The following MLLT3 variants were observed in gnomAD, a reference collection of about 807,000 sequenced individuals.
MLLT3 encodes the protein MLLT3 super elongation complex subunit.
MLLT3 carries 4 observed loss-of-function variants against 53.2 expected under a neutral mutation model. The observed-to-expected ratio is 0.08, with a 90% CI of 0.04 to 0.17. The LOEUF (loss-of-function observed/expected upper bound fraction) is 0.17. MLLT3 is among the 10% of genes least tolerant of loss of function. MLLT3 has a pLI of 1.00. For missense variants in MLLT3, 569 were observed against 684.0 expected (o/e 0.83, Z 1.87); for synonymous variants, 283 against 230.6 (o/e 1.23, Z -2.06).
At chr9:20,533,853 T>C (rs1311439267) in intron 2 of MLLT3, among the ~76,000 whole-genome samples, 2 of 152,132 alleles carry the variant, frequency 1.3e-5, no homozygotes, top group African/African-American at 4.8e-5. Flanking sequence ...GCTGAAGTCA[T>C]AGAAGCAAAG....
rs774331239 is a variant in MLLT3, at chr9:20,414,342, G to A, written c.504C>T (p.Ser168=). The A allele has an allele frequency of 1.2e-5, 19 of 1,580,652 alleles. No homozygotes were observed. Among genetic ancestry groups the A allele is most frequent in the East Asian group, 4.5e-5 (2 of 44,504 alleles). The change falls in exon 5 of 11, where the codon AGC becomes AGT. Residue 168 remains serine, a synonymous_variant. Transcript: ENST00000380338. Reference sequence around the variant, plus strand: ...TGCTGCTGCTGCTGCTGCTGCTGCTGCTACTGCTGCTGCTGCTGCTGCTGC... The same window carrying A: ...TGCTGCTGCTGCTGCTGCTGCTGCTACTACTGCTGCTGCTGCTGCTGCTGC... The part of the protein sequence containing the change: ...SSSSSSSSSS[S]SSSSSSSSSS...
chr9:20,407,825 T>G (rs964115999), intron 5 of MLLT3, among the ~76,000 whole-genome samples: 3 of 152,126 alleles, frequency 2.0e-5, no homozygotes, highest in African/African-American at 7.2e-5. Flanking sequence ...TTAAATCATG[T>G]TAAGTACATA....
chr9:20,606,815 G>A (rs898540010), intron 2 of MLLT3, among the ~76,000 whole-genome samples: 7 of 152,012 alleles, frequency 4.6e-5, no homozygotes, highest in Non-Finnish European at 7.4e-5. Context: ...AAAGCCCCAC[G>A]TTTGCTGGCC....
chr9:20,533,831 G>A (rs967720869), intron 2 of MLLT3, among the ~76,000 whole-genome samples: 2 of 152,214 alleles, frequency 1.3e-5, no homozygotes, highest in African/African-American at 4.8e-5. Context: ...TCCACAGGTA[G>A]AACCTAAAAA....
intron 2 of MLLT3, among the ~76,000 whole-genome samples, chr9:20,553,875 C>G (rs1356461985): frequency 6.6e-6 from 1 of 151,886 alleles, no homozygotes; most frequent in Admixed American, 6.6e-5. Flanking sequence ...CAATCACAAC[C>G]CTCCTGGCAA....
Position 20,378,964 on chromosome 9 carries a change from T to C in MLLT3, c.1126-13220A>G, listed in dbSNP as rs186432835. ...CTGTCCAGAATAGGAGGAATGCTGC[T>C]GCTTATAAGGCTCTAAAGGAACCTG... On this transcript the variant is annotated intron_variant, in intron 5 of 10. Coordinates refer to ENST00000380338, the MANE Select transcript of MLLT3 (RefSeq NM_004529.4). Among the ~76,000 whole-genome samples the C allele has an allele frequency of 1.1e-4, 16 of 152,226 alleles. No homozygotes were observed. The East Asian group carries it at 2.9e-3, about 28-fold the overall frequency.
intron 2 of MLLT3, among the ~76,000 whole-genome samples, chr9:20,503,945 G>GA (rs1022773089): frequency 4.6e-5 from 7 of 152,238 alleles, no homozygotes; most frequent in Middle Eastern, 3.4e-3. Context: ...ACAGGTGTAT[G>GA]AAAAAATGCC....
At chr9:20,552,766 A>T (rs2072168852) in intron 2 of MLLT3, among the ~76,000 whole-genome samples, 2 of 152,172 alleles carry the variant, frequency 1.3e-5, no homozygotes, top group South Asian at 4.1e-4. Flanking sequence ...AATAGTTTTA[A>T]TAGAAAGTTT....
intron 2 of MLLT3, among the ~76,000 whole-genome samples, chr9:20,566,579 G>A (rs1819383491): frequency 6.6e-6 from 1 of 152,062 alleles, no homozygotes; most frequent in Non-Finnish European, 1.5e-5. Flanking sequence ...AACAGACTGT[G>A]CACTCTATAA....
rs529237582 is a variant in MLLT3, at chr9:20,366,094, G to A, written c.1126-350C>T. 7.9e-5 allele frequency among the ~76,000 whole-genome samples: 12 copies of A among 152,276 alleles called. No homozygotes were observed. In the East Asian group the frequency reaches 2.1e-3, roughly 27 times the overall value. ...CTTTAAGTTTTGGGATACATGGGCA[G>A]AACATGCAGGTGTGTTACATAGGTA... On this transcript the variant is annotated intron_variant, in intron 5 of 10. Transcript: ENST00000380338.
intron 2 of MLLT3, among the ~76,000 whole-genome samples, chr9:20,563,519 G>A (rs1461927491): frequency 1.3e-5 from 2 of 152,012 alleles, no homozygotes; most frequent in Non-Finnish European, 2.9e-5. Flanking sequence ...CACAAGGAGA[G>A]AACAGCTCCA....
intron 4 of MLLT3, among the ~76,000 whole-genome samples, chr9:20,433,181 G>A (rs553140879): frequency 1.2e-4 from 18 of 152,020 alleles, no homozygotes; most frequent in East Asian, 5.8e-4. Flanking sequence ...CCTGCTCTTC[G>A]GAGAAATGCT....
At chr9:20,565,389 G>A (rs564178534) in intron 2 of MLLT3, among the ~76,000 whole-genome samples, 8 of 152,036 alleles carry the variant, frequency 5.3e-5, no homozygotes, top group East Asian at 1.9e-4. Flanking sequence ...CGCACACTGC[G>A]AATAACTTAC....
At chr9:20,347,153 G>T (rs1319202202) in intron 10 of MLLT3, among the ~76,000 whole-genome samples, 1 of 151,792 alleles carries the variant, frequency 6.6e-6, no homozygotes, top group Non-Finnish European at 1.5e-5. Flanking sequence ...GACCAGAGGG[G>T]GCTCAAGGGA....
intron 10 of MLLT3, among the ~76,000 whole-genome samples, chr9:20,352,051 G>A (rs1233401301): frequency 1.3e-5 from 2 of 152,166 alleles, no homozygotes; most frequent in East Asian, 3.8e-4. Context: ...TAATCCACTT[G>A]GATGGAGTTC....
rs1563956655 is a variant in MLLT3 at position 20,414,300 on chromosome 9, A to ACTG, written c.543_545dup (p.Ser190dup). On this transcript the variant is annotated inframe_insertion, in exon 5 of 11. Coordinates refer to ENST00000380338, the MANE Select transcript of MLLT3 (RefSeq NM_004529.4). ...TACTACTGCTGCTGCTGCTGCTGCT[A>ACTG]CTGCTGCTGCTACTGCTGCTGCTGC... is the stretch of plus-strand genomic sequence containing the variant. 76 of 1,595,762 alleles carry ACTG rather than the reference A, an allele frequency of 4.8e-5. No individual in the cohort carries two copies. The highest frequency in any genetic ancestry group is 1.7e-4 in the South Asian group (15 of 90,392).
chr9:20,373,312 C>T lies in MLLT3; in HGVS notation c.1126-7568G>A, dbSNP rs146521857. ...AAAACAATGGGCCTACCAGGATTTG[C>T]AATACAATCTTCAACATTAAATGGC... On this transcript the variant is annotated intron_variant, in intron 5 of 10. Transcript: ENST00000380338. 3.2e-3 allele frequency among the ~76,000 whole-genome samples: 492 copies of T among 152,262 alleles called. 2 individuals are homozygous for T. The highest frequency in any genetic ancestry group is 0.011 in the African/African-American group (467 of 41,554).
intron 2 of MLLT3, among the ~76,000 whole-genome samples, chr9:20,529,230 A>T (rs922081823): frequency 6.6e-6 from 1 of 152,206 alleles, no homozygotes; most frequent in Non-Finnish European, 1.5e-5. Context: ...TTGAAAAACC[A>T]CTAGCCCAAC....
chr9:20,396,067 T>C (rs760020833), intron 5 of MLLT3, among the ~76,000 whole-genome samples: 1 of 152,138 alleles, frequency 6.6e-6, no homozygotes, highest in East Asian at 1.9e-4. Context: ...AACTAATACA[T>C]ACGAATACAG....
Sources: gnomAD v4.1 joint callset for allele counts (sites outside exome capture counted in the v4.1 genomes callset) on GRCh38, gnomAD v4.1.1 for gene constraint, MANE v1.5 for transcripts, NCBI Gene and HGNC (gene_info 2026-07-23, HGNC 2026-07-21) for gene names.